MDGA2: variants seen among roughly 807,000 people sequenced by gnomAD.
MDGA2 encodes the protein MAM domain-containing glycosylphosphatidylinositol anchor protein 2.
A neutral mutation model predicts 117.8 loss-of-function variants in MDGA2; 40 were observed. The observed-to-expected ratio is 0.34, with a 90% CI of 0.26 to 0.44. MDGA2 has a LOEUF of 0.44. MDGA2 is among the 20% of genes least tolerant of loss of function. The pLI is 1.00. For synonymous variants in MDGA2, 452 were observed against 439.0 expected, an observed-to-expected ratio of 1.03 and a Z score of -0.37; for missense variants, 1,123 against 1,250.6, an observed-to-expected ratio of 0.90 and a Z score of 1.54.
chr14:46,906,808 G>A (rs372746431), intron 10 of MDGA2, among the ~76,000 whole-genome samples: 13 of 152,058 alleles, frequency 8.5e-5, no homozygotes, highest in African/African-American at 2.7e-4. Context: ...GTAGAGAGAT[G>A]TATCTTTCTG....
rs568853860 is a variant in MDGA2, at chr14:47,248,185, T to C, written c.421-29990A>G. 7.6e-4 allele frequency among the ~76,000 whole-genome samples: 115 copies of C among 151,574 alleles called. 3 individuals carry two copies. In the South Asian group the frequency reaches 0.022, roughly 30 times the overall value. On this transcript the variant is annotated intron_variant, in intron 2 of 16. Transcript: ENST00000399232. ...CCAGTAAAGGGATTGCTGGGTCAAA[T>C]GGTATTGTTAAATAAGTGAAAAAAT...
At chr14:47,670,126 C>A (rs945495507) in intron 1 of MDGA2, among the ~76,000 whole-genome samples, 5 of 152,136 alleles carry the variant, frequency 3.3e-5, no homozygotes, top group Non-Finnish European at 7.4e-5. Flanking sequence ...ACTGATATTA[C>A]CTGAATTGAG....
chr14:46,873,796 G>A (rs1052871990), intron 13 of MDGA2: 17 of 569,744 alleles, frequency 3.0e-5, no homozygotes, highest in African/African-American at 2.9e-4. Flanking sequence ...AAGATAAAAT[G>A]TATAAAAAGT....
intron 8 of MDGA2, among the ~76,000 whole-genome samples, chr14:46,992,244 T>C (rs942581490): frequency 1.3e-5 from 2 of 152,148 alleles, no homozygotes; most frequent in African/African-American, 4.8e-5. Flanking sequence ...GTAAATCTAA[T>C]TTGGAATTTT....
At chr14:47,188,399 T>A (rs2139396160) in intron 3 of MDGA2, among the ~76,000 whole-genome samples, 1 of 152,304 alleles carries the variant, frequency 6.6e-6, no homozygotes, top group Non-Finnish European at 1.5e-5. Context: ...AAGGAACTGA[T>A]ATTTCTGGCA....
chr14:47,574,856 AAGCCAGC>A (rs1432937639), intron 1 of MDGA2, among the ~76,000 whole-genome samples: 1 of 152,194 alleles, frequency 6.6e-6, no homozygotes, highest in African/African-American at 2.4e-5. Flanking sequence ...CTGGAATTTG[AAGCCAGC>A]AAGTCTGGCC....
intron 10 of MDGA2, among the ~76,000 whole-genome samples, chr14:46,910,760 T>C (rs1269633967): frequency 6.6e-6 from 1 of 152,094 alleles, no homozygotes; most frequent in Admixed American, 6.6e-5. Context: ...TCACCAATGG[T>C]AGACTGGATA....
intron 1 of MDGA2, among the ~76,000 whole-genome samples, chr14:47,321,422 C>T (rs1889975556): frequency 6.6e-6 from 1 of 152,164 alleles, no homozygotes. Context: ...AAGATGCATT[C>T]TATTTTTGAC....
intron 4 of MDGA2, among the ~76,000 whole-genome samples, chr14:47,141,414 T>C (rs1448669057): frequency 6.6e-6 from 1 of 152,098 alleles, no homozygotes; most frequent in African/African-American, 2.4e-5. Flanking sequence ...AACAGATGAA[T>C]GGATAAAGAA....
intron 1 of MDGA2, among the ~76,000 whole-genome samples, chr14:47,611,982 T>C (rs1896856330): frequency 6.6e-6 from 1 of 152,124 alleles, no homozygotes; most frequent in Non-Finnish European, 1.5e-5. Flanking sequence ...GAAAGTTGTG[T>C]TTAGCAAGGC....
intron 7 of MDGA2, among the ~76,000 whole-genome samples, chr14:47,047,007 T>C (rs1889290244): frequency 6.6e-6 from 1 of 152,198 alleles, no homozygotes; most frequent in South Asian, 2.1e-4. Context: ...TTTATTTTAA[T>C]ATACATTTTT....
chr14:47,335,056 T>C (rs906288416), intron 1 of MDGA2, among the ~76,000 whole-genome samples: 1 of 151,872 alleles, frequency 6.6e-6, no homozygotes, highest in Non-Finnish European at 1.5e-5. Flanking sequence ...GCATGCACTT[T>C]ATGTATCTTT....
intron 1 of MDGA2, chr14:47,343,294 T>C (rs1890688289): frequency 8.9e-7 from 1 of 1,121,688 alleles, no homozygotes; most frequent in Admixed American, 4.7e-5. Flanking sequence ...GTTAACTAAG[T>C]TCTAAGTAGT....
intron 8 of MDGA2, among the ~76,000 whole-genome samples, chr14:47,013,727 C>T (rs570689181): frequency 1.9e-4 from 27 of 138,752 alleles, no homozygotes; most frequent in South Asian, 4.7e-4. Context: ...TCATGGGCTG[C>T]GGAATGGATG....
chr14:47,299,076 C>G (rs1889188587), intron 2 of MDGA2, among the ~76,000 whole-genome samples: 1 of 152,080 alleles, frequency 6.6e-6, no homozygotes, highest in South Asian at 2.1e-4. Flanking sequence ...AATATTGATA[C>G]CAAAACAATA....
intron 1 of MDGA2, among the ~76,000 whole-genome samples, chr14:47,418,015 G>A (rs1162695062): frequency 1.3e-5 from 2 of 151,900 alleles, no homozygotes; most frequent in African/African-American, 2.4e-5. Flanking sequence ...ACCTGGACGA[G>A]TACAAATTTT....
At chr14:47,660,273 G>A (rs949054961) in intron 1 of MDGA2, among the ~76,000 whole-genome samples, 2 of 152,142 alleles carry the variant, frequency 1.3e-5, no homozygotes, top group African/African-American at 2.4e-5. Flanking sequence ...AATGCATGGC[G>A]CTACAGCTGA....
At position 46,884,061 on chromosome 14, in the gene MDGA2, T is replaced by C. The variant is rs1566507118; in HGVS notation, c.2239-1840A>G. On this transcript the variant is annotated intron_variant, in intron 10 of 16. Transcript: ENST00000399232. The surrounding 1 kb of genome is among the most constrained non-coding windows in gnomAD (Gnocchi z 4.1). ...TAAAATTCTATTATTGGGGGTTATC[T>C]GTGGCCTATGACAAAGACATATTCT... Among the ~76,000 whole-genome samples, 1 of 152,132 alleles carries C rather than the reference T, an allele frequency of 6.6e-6. No homozygotes were observed. The highest frequency in any genetic ancestry group is 1.5e-5 in the Non-Finnish European group (1 of 68,010).
chr14:47,139,081 T>A (rs1882592474), intron 4 of MDGA2, among the ~76,000 whole-genome samples: 1 of 152,110 alleles, frequency 6.6e-6, no homozygotes, highest in Non-Finnish European at 1.5e-5. Flanking sequence ...TCTTAGAAAT[T>A]CTATTTTATT....
Sources: gnomAD v4.1 joint callset for allele counts (sites outside exome capture counted in the v4.1 genomes callset) on GRCh38, gnomAD v4.1.1 for gene constraint, Gnocchi (gnomAD v3.1) non-coding constraint, MANE v1.5 for transcripts, NCBI Gene and HGNC (gene_info 2026-07-23, HGNC 2026-07-21) for gene names.